The following MYO10 variants were observed in gnomAD, a reference collection of about 807,000 sequenced individuals.
MYO10 encodes the protein myosin X.
Under a neutral mutation model 257.3 loss-of-function variants are expected in MYO10, and 133 were observed. That is an observed-to-expected ratio of 0.52 (90% CI 0.45 to 0.60). The LOEUF is 0.60. Ranked by LOEUF, MYO10 falls within the 20% of genes least tolerant of loss-of-function variation. MYO10 has a pLI of 0.00. For missense variants in MYO10, 2,399 were observed against 2,635.7 expected, an observed-to-expected ratio of 0.91 and a Z score of 1.97; for synonymous variants, 1,104 against 1,028.6, an observed-to-expected ratio of 1.07 and a Z score of -1.40.
intron 2 of MYO10, among the ~76,000 whole-genome samples, chr5:16,852,235 TAA>T (rs59699107): frequency 0.078 from 10,376 of 132,826 alleles, 662 homozygotes; most frequent in African/African-American, 0.18. Flanking sequence ...GAGTACAGGC[TAA>T]AAAAAAAAAA....
rs375922944 is a variant in MYO10 at position 16,758,087 on chromosome 5, G to A, written c.1848+31C>T. On this transcript the variant is annotated intron_variant, in intron 18 of 40. Coordinates refer to ENST00000513610, the MANE Select transcript of MYO10 (RefSeq NM_012334.3). ...CAGTTCTTAAAAATACAGTAACGACGGATTCCTCTAAGCCAGCAGTGAAAA... is the reference window on the plus strand; with the variant it reads ...CAGTTCTTAAAAATACAGTAACGACAGATTCCTCTAAGCCAGCAGTGAAAA... 3.1e-5 allele frequency: 45 copies of A among 1,464,862 alleles called. No homozygotes were observed. The African/African-American group carries it at 3.5e-4, about 11-fold the overall frequency. 90.7% of individuals were successfully genotyped at this position (1,464,862 alleles called of 1,614,324 possible).
chr5:16,841,883 A>G (rs40985), intron 2 of MYO10, among the ~76,000 whole-genome samples: 28,162 of 151,880 alleles, frequency 0.19, 2,967 homozygotes, highest in African/African-American at 0.28. Context: ...GTTTTTCTGA[A>G]CATATTACGG....
chr5:16,769,754 TTACA>T (rs1740989621), intron 9 of MYO10, among the ~76,000 whole-genome samples: 1 of 152,176 alleles, frequency 6.6e-6, no homozygotes, highest in African/African-American at 2.4e-5. Context: ...AGTGTCCCCC[TTACA>T]TACAAGCCTC....
rs1284303641 is a variant in MYO10 at position 16,864,895 on chromosome 5, T to C, written c.120+12714A>G. On this transcript the variant is annotated intron_variant, in intron 2 of 40. Transcript: ENST00000513610. ...CCAAGTTAAGCTGGACAAGTTGCATTTTCCTTGGTCTTGAAAGCAAGAATG... is the reference window on the plus strand; with the variant it reads ...CCAAGTTAAGCTGGACAAGTTGCATCTTCCTTGGTCTTGAAAGCAAGAATG... Among the ~76,000 whole-genome samples the C allele has an allele frequency of 2.6e-5, 4 of 152,186 alleles. No homozygotes were observed. In the East Asian group the frequency reaches 5.8e-4, roughly 22 times the overall value.
At chr5:16,826,633 G>A (rs1009919471) in intron 2 of MYO10, among the ~76,000 whole-genome samples, 1 of 152,172 alleles carries the variant, frequency 6.6e-6, no homozygotes, top group Non-Finnish European at 1.5e-5. Context: ...CATGTTTTAT[G>A]ACAACCTTGC....
At position 16,687,990 on chromosome 5, in the gene MYO10, T is replaced by A. The variant is rs184870979; in HGVS notation, c.3896+1834A>T. ...CTTGGAATCTGAAAAGGAATTTTTT[T>A]AAAATAGTGTTCCACTGGTCAGGAG... On this transcript the variant is annotated intron_variant, in intron 28 of 40. Coordinates refer to ENST00000513610, the MANE Select transcript of MYO10 (RefSeq NM_012334.3). Among the ~76,000 whole-genome samples, 338 of 152,354 alleles carry A rather than the reference T, an allele frequency of 2.2e-3. 1 individual carries two copies. Among genetic ancestry groups the A allele is most frequent in the Non-Finnish European group, 4.0e-3 (275 of 68,036 alleles).
intron 27 of MYO10, among the ~76,000 whole-genome samples, chr5:16,691,497 G>C (rs1737502071): frequency 6.6e-6 from 1 of 151,944 alleles, no homozygotes; most frequent in African/African-American, 2.4e-5. Context: ...TCAGGAGTTT[G>C]AGACCAGCCT....
At chr5:16,819,193 A>G (rs1477581353) in intron 2 of MYO10, among the ~76,000 whole-genome samples, 2 of 152,214 alleles carry the variant, frequency 1.3e-5, no homozygotes, top group Non-Finnish European at 2.9e-5. Flanking sequence ...CTGATTTAAA[A>G]TAAAATTGGT....
chr5:16,796,222 C>CGAGAGT (rs1560989473), intron 3 of MYO10, among the ~76,000 whole-genome samples: 5 of 103,302 alleles, frequency 4.8e-5, no homozygotes, highest in Admixed American at 1.2e-4. Flanking sequence ...AGAGAGAGAG[C>CGAGAGT]GAGAAAGAGA....
At chr5:16,673,391 T>G (rs1736563994) in intron 36 of MYO10, among the ~76,000 whole-genome samples, 1 of 152,166 alleles carries the variant, frequency 6.6e-6, no homozygotes, top group African/African-American at 2.4e-5. Context: ...CTCATCAAAG[T>G]GGCTGGACCT....
At chr5:16,735,683 G>C (rs1344039631) in intron 19 of MYO10, among the ~76,000 whole-genome samples, 4 of 139,734 alleles carry the variant, frequency 2.9e-5, no homozygotes, top group Non-Finnish European at 6.3e-5. Context: ...ACAGAGCCTC[G>C]GGAAAAAAAA....
At chr5:16,709,301 G>A (rs1405197550) in intron 21 of MYO10, among the ~76,000 whole-genome samples, 1 of 152,128 alleles carries the variant, frequency 6.6e-6, no homozygotes, top group African/African-American at 2.4e-5. Context: ...CACCTGCGGG[G>A]GGCACACCCT....
rs958645493 is a variant in MYO10 at position 16,674,196 on chromosome 5, C to T, written c.4965-307G>A. On this transcript the variant is annotated intron_variant, in intron 35 of 40. Coordinates refer to ENST00000513610, the MANE Select transcript of MYO10 (RefSeq NM_012334.3). The stretch of plus-strand genomic sequence containing the variant: ...CATATGAAAATTCTTGGCCGGGCGC[C>T]GTGGCTAACGCCTGTAATCCCAGCA... 1.3e-5 allele frequency among the ~76,000 whole-genome samples: 2 copies of T among 152,178 alleles called. 1 individual carries two copies. Among genetic ancestry groups the T allele is most frequent in the African/African-American group, 4.8e-5 (2 of 41,448 alleles).
intron 1 of MYO10, among the ~76,000 whole-genome samples, chr5:16,887,759 G>A (rs919401019): frequency 5.9e-5 from 9 of 152,112 alleles, no homozygotes; most frequent in African/African-American, 2.2e-4. Context: ...CCAAAGTGCT[G>A]GGATTACAGA....
chr5:16,806,305 C>T (rs1301741980), intron 3 of MYO10, among the ~76,000 whole-genome samples: 4 of 149,514 alleles, frequency 2.7e-5, no homozygotes, highest in East Asian at 2.0e-4. Context: ...TGCAGTGAAC[C>T]GAGATCACGC....
chr5:16,792,110 TACAC>T (rs138106656), intron 4 of MYO10, among the ~76,000 whole-genome samples: 1,689 of 138,992 alleles, frequency 0.012, 15 homozygotes, highest in East Asian at 0.028. Flanking sequence ...CACACATACA[TACAC>T]ACACACACAC....
At chr5:16,676,195 T>C (rs913868003) in intron 33 of MYO10, 41 bp from the exon 34 acceptor site, 2 of 1,602,240 alleles carry the variant, frequency 1.2e-6, no homozygotes, top group Non-Finnish European at 8.5e-7. Flanking sequence ...GAAACCTGTA[T>C]TTTCCTACAT....
intron 19 of MYO10, chr5:16,738,338 A>T: frequency 2.0e-6 from 2 of 985,456 alleles, no homozygotes; most frequent in Non-Finnish European, 1.2e-6. Context: ...GGCAGGGCAG[A>T]GAGAAACTGT....
intron 1 of MYO10, among the ~76,000 whole-genome samples, chr5:16,935,412 G>A (rs1220824057): frequency 4.6e-5 from 7 of 152,106 alleles, no homozygotes; most frequent in Non-Finnish European, 1.0e-4. Context: ...AGAAAGGCAG[G>A]TCCCCGCTGA....
Sources: allele counts gnomAD v4.1 joint callset (sites outside exome capture counted in the v4.1 genomes callset), GRCh38; gene constraint gnomAD v4.1.1; transcripts MANE v1.5; gene names NCBI Gene and HGNC (gene_info 2026-07-23, HGNC 2026-07-21).